MYRIP: variants seen among roughly 807,000 people sequenced by gnomAD.
MYRIP encodes myosin VIIA and Rab interacting protein.
In MYRIP, 49 loss-of-function variants were observed where a neutral mutation model predicts 98.0. The ratio of observed to expected loss-of-function variants is 0.50; its 90% CI spans 0.40 to 0.63. The LOEUF is 0.63. Among genes scored for constraint, MYRIP ranks in the 30% least tolerant of loss-of-function variants. The pLI is 0.00. For missense variants in MYRIP, 1,004 were observed against 1,058.2 expected, an observed-to-expected ratio of 0.95 and a Z score of 0.71; for synonymous variants, 404 against 409.5, an observed-to-expected ratio of 0.99 and a Z score of 0.16.
intron 7 of MYRIP, among the ~76,000 whole-genome samples, chr3:40,167,669 C>T (rs1393548740): frequency 6.6e-6 from 1 of 152,182 alleles, no homozygotes; most frequent in East Asian, 1.9e-4. Context: ...CTACTTCAGA[C>T]ACCAGCCACA....
At chr3:40,098,668 T>C (rs933802534) in intron 3 of MYRIP, among the ~76,000 whole-genome samples, 2 of 151,686 alleles carry the variant, frequency 1.3e-5, no homozygotes, top group African/African-American at 4.8e-5. Flanking sequence ...CCCCTTCTCT[T>C]TCTCAATTTT....
At chr3:40,165,344 T>G (rs2125592663) in intron 5 of MYRIP, among the ~76,000 whole-genome samples, 1 of 152,376 alleles carries the variant, frequency 6.6e-6, no homozygotes, top group East Asian at 1.9e-4. Flanking sequence ...AATGATACTT[T>G]CTGTCTACAT....
chr3:39,837,060 C>A (rs573120281), intron 1 of MYRIP, among the ~76,000 whole-genome samples: 1 of 151,682 alleles, frequency 6.6e-6, no homozygotes, highest in African/African-American at 2.4e-5. Flanking sequence ...AGCTATGTAA[C>A]CTTTCGGCCT....
intron 3 of MYRIP, among the ~76,000 whole-genome samples, chr3:40,124,436 G>A (rs905922936): frequency 1.3e-5 from 2 of 152,198 alleles, no homozygotes; most frequent in South Asian, 2.1e-4. Flanking sequence ...CAGCTCATTA[G>A]GAGAAAGATC....
intron 2 of MYRIP, among the ~76,000 whole-genome samples, chr3:39,993,215 C>A (rs973289066): frequency 6.6e-6 from 1 of 152,036 alleles, no homozygotes; most frequent in African/African-American, 2.4e-5. Flanking sequence ...TATAAGGAAC[C>A]CACTCCCACA....
intron 2 of MYRIP, among the ~76,000 whole-genome samples, chr3:39,912,595 G>A (rs1944048042): frequency 6.6e-6 from 1 of 152,184 alleles, no homozygotes; most frequent in African/African-American, 2.4e-5. Flanking sequence ...ATTATTCCCT[G>A]TACAACCCCA....
Position 40,234,030 on chromosome 3 carries a change from C to G in MYRIP, c.2077C>G (p.Gln693Glu). 1 of 1,604,666 alleles carries G rather than the reference C, an allele frequency of 6.2e-7. No individual in the cohort carries two copies. Among genetic ancestry groups the G allele is most frequent in the Non-Finnish European group, 8.5e-7 (1 of 1,177,372 alleles). ...GACAGACCAAGTGAGACTGGATGAG[C>G]AGCTGACTTCCCTGGAAGAAAATGT... ...RGTDQVRLDE[Q>E]LTSLEENVYL... is the part of the protein sequence containing the mutation. Residue 693 changes from glutamine (Q) to glutamate (E), a missense_variant, in exon 12 of 17, where the codon CAG becomes GAG. Coordinates refer to ENST00000302541, the MANE Select transcript of MYRIP (RefSeq NM_015460.4).
At chr3:39,949,130 C>G (rs903504274) in intron 2 of MYRIP, among the ~76,000 whole-genome samples, 1 of 152,066 alleles carries the variant, frequency 6.6e-6, no homozygotes, top group African/African-American at 2.4e-5. Context: ...TGAAAGAGAT[C>G]CAGGCTTGAG....
intron 2 of MYRIP, among the ~76,000 whole-genome samples, chr3:39,953,923 G>A (rs9869264): frequency 0.072 from 10,971 of 152,146 alleles, 623 homozygotes; most frequent in East Asian, 0.18. Flanking sequence ...TAGCACAGCC[G>A]TCTGAGATTG....
At position 39,900,910 on chromosome 3, in the gene MYRIP, G is replaced by C; in HGVS notation, c.94G>C (p.Glu32Gln). 1 of 1,612,052 alleles carries C rather than the reference G, an allele frequency of 6.2e-7. No homozygotes were observed. The highest frequency in any genetic ancestry group is 8.5e-7 in the Non-Finnish European group (1 of 1,179,178). Residue 32 changes from glutamate (E) to glutamine (Q), a missense_variant, in exon 2 of 17, where the codon GAA becomes CAA. Around this residue, in one of 3 missense-constraint regions of MYRIP, gnomAD observed 880 missense variants for 907.7 expected, o/e 0.97. Coordinates refer to ENST00000302541, the MANE Select transcript of MYRIP (RefSeq NM_015460.4). The stretch of plus-strand genomic sequence containing the variant: ...AAGAGACTTCAATCTTCGCAAAAAA[G>C]AAGAAGAACGACTAAGGTGAGATGC... ...VQRDFNLRKK[E>Q]EERLSELKQK...
intron 3 of MYRIP, among the ~76,000 whole-genome samples, chr3:40,119,399 T>A (rs1156327431): frequency 2.0e-5 from 3 of 152,248 alleles, no homozygotes; most frequent in Admixed American, 1.3e-4. Flanking sequence ...GAGAAGTATG[T>A]AATGGCATGT....
At chr3:40,172,268 G>A (rs144578955) in intron 8 of MYRIP, among the ~76,000 whole-genome samples, 1 of 152,334 alleles carries the variant, frequency 6.6e-6, no homozygotes, top group Non-Finnish European at 1.5e-5. Context: ...AGGGGATAGA[G>A]GGGAGGGAGT....
intron 3 of MYRIP, among the ~76,000 whole-genome samples, chr3:40,111,156 C>T (rs1228665761): frequency 6.6e-6 from 1 of 151,988 alleles, no homozygotes; most frequent in Non-Finnish European, 1.5e-5. Context: ...GTGGTCAGGG[C>T]TACAGACAAG....
chr3:40,072,547 T>A (rs1948253528), intron 3 of MYRIP, among the ~76,000 whole-genome samples: 1 of 152,244 alleles, frequency 6.6e-6, no homozygotes, highest in South Asian at 2.1e-4. Context: ...ACTGTTTTAC[T>A]ACATCTATAT....
chr3:40,034,966 C>G (rs1295661121), intron 2 of MYRIP, among the ~76,000 whole-genome samples: 2 of 150,496 alleles, frequency 1.3e-5, no homozygotes, highest in Admixed American at 6.6e-5. Flanking sequence ...AGTAAACTAT[C>G]GCACAGACAA....
At chr3:39,811,580 A>C (rs1940693272) in intron 1 of MYRIP, among the ~76,000 whole-genome samples, 1 of 151,440 alleles carries the variant, frequency 6.6e-6, no homozygotes, top group African/African-American at 2.4e-5. Context: ...CGTCTCTCCT[A>C]ATTACCCACC....
At chr3:40,009,803 G>A (rs1255746378) in intron 2 of MYRIP, among the ~76,000 whole-genome samples, 2 of 152,160 alleles carry the variant, frequency 1.3e-5, no homozygotes, top group African/African-American at 4.8e-5. Context: ...TGATGTATAG[G>A]TTCTGTGAAT....
At chr3:40,125,805 C>A (rs186394499) in intron 3 of MYRIP, among the ~76,000 whole-genome samples, 1 of 152,118 alleles carries the variant, frequency 6.6e-6, no homozygotes, top group Non-Finnish European at 1.5e-5. Flanking sequence ...TTGTCAGCTC[C>A]GGCATCTCAC....
At chr3:39,934,575 C>A (rs1319512153) in intron 2 of MYRIP, among the ~76,000 whole-genome samples, 1 of 152,044 alleles carries the variant, frequency 6.6e-6, no homozygotes, top group Non-Finnish European at 1.5e-5. Flanking sequence ...TAAGGGTTAC[C>A]TTCCTTCTTT....
Sources: gnomAD v4.1 joint callset for allele counts (sites outside exome capture counted in the v4.1 genomes callset) on GRCh38, gnomAD v4.1.1 for gene constraint, gnomAD v4.1.1 regional missense constraint, MANE v1.5 for transcripts, NCBI Gene and HGNC (gene_info 2026-07-23, HGNC 2026-07-21) for gene names.